Variants in RPA1 observed in about 807,000 individuals in gnomAD.
RPA1 encodes the protein replication protein A1.
Under a neutral mutation model 83.0 loss-of-function variants are expected in RPA1, and 49 were observed. That is an observed-to-expected ratio of 0.59 (90% CI 0.47 to 0.75). The LOEUF is 0.75. RPA1 is among the 30% of genes least tolerant of loss of function. The pLI is 0.00. For synonymous variants in RPA1, 279 were observed against 281.8 expected (o/e 0.99, Z 0.10); for missense variants, 693 against 776.1 (o/e 0.89, Z 1.27).
chr17:1,832,571 GA>G (rs1911661301), intron 1 of RPA1, among the ~76,000 whole-genome samples: 1 of 151,450 alleles, frequency 6.6e-6, no homozygotes, highest in African/African-American at 2.4e-5. Flanking sequence ...ATTTTTAGTA[GA>G]GATGGGGTTT....
chr17:1,848,369 T>A (rs1567805635), intron 4 of RPA1, among the ~76,000 whole-genome samples: 1 of 151,772 alleles, frequency 6.6e-6, no homozygotes, highest in African/African-American at 2.4e-5. Flanking sequence ...CCCAGCACTT[T>A]GGGAGGCTGA....
intron 16 of RPA1, 28 bp from the exon 17 acceptor site, chr17:1,897,043 C>T: frequency 1.9e-6 from 3 of 1,544,370 alleles, no homozygotes; most frequent in Non-Finnish European, 2.6e-6. Context: ...ACTTTCACTG[C>T]TCACAAACTA....
chr17:1,874,347 T>A (rs939053450), intron 6 of RPA1, among the ~76,000 whole-genome samples: 6 of 151,736 alleles, frequency 4.0e-5, no homozygotes, highest in Non-Finnish European at 8.8e-5. Flanking sequence ...TAAAAAAATC[T>A]TTTTAAGAAT....
chr17:1,896,987 TCACTGAAAC>T lies in RPA1; in HGVS notation c.1747-76_1747-68del, dbSNP rs1185194252. The T allele has an allele frequency of 3.5e-6, 4 of 1,135,126 alleles. No individual in the cohort carries two copies. The African/African-American group carries it at 6.1e-5, about 17-fold the overall frequency. 70.3% of individuals were successfully genotyped at this position (1,135,126 alleles called of 1,614,324 possible). A position where few individuals can be genotyped will look rare whatever the true frequency, so the allele number is the denominator to read the frequency against. On this transcript the variant is annotated intron_variant, in intron 16 of 16. Transcript: ENST00000254719. Reference sequence around the variant, plus strand: ...GTGCGTCTGTTCCCTCCCGCTGGGCTCACTGAAACCACTGAAGCAAAAGGGGTTTCACTG... The same window carrying T: ...GTGCGTCTGTTCCCTCCCGCTGGGCTCACTGAAGCAAAAGGGGTTTCACTG...
chr17:1,888,869 A>G lies in RPA1; in HGVS notation c.1551+18A>G. The G allele has an allele frequency of 6.2e-7, 1 of 1,608,286 alleles. No homozygotes were observed. Among genetic ancestry groups the G allele is most frequent in the Non-Finnish European group, 8.5e-7 (1 of 1,175,490 alleles). On this transcript the variant is annotated intron_variant, in intron 14 of 16. Coordinates refer to ENST00000254719, the MANE Select transcript of RPA1 (RefSeq NM_002945.5). ...TCCTGTCAGTAAGTAGCCTCGGTAGATGAGAACCACGGTTGTGTTCACGGA... is the reference window on the plus strand; with the variant it reads ...TCCTGTCAGTAAGTAGCCTCGGTAGGTGAGAACCACGGTTGTGTTCACGGA...
chr17:1,858,537 C>T (rs900819344), intron 5 of RPA1: 1 of 738,272 alleles, frequency 1.4e-6, no homozygotes, highest in Non-Finnish European at 2.3e-6. Flanking sequence ...AATCTCGGCT[C>T]ACTGCAGCCT....
At chr17:1,866,103 G>A (rs1482408525) in intron 5 of RPA1, among the ~76,000 whole-genome samples, 1 of 152,012 alleles carries the variant, frequency 6.6e-6, no homozygotes, top group Non-Finnish European at 1.5e-5. Flanking sequence ...TTAGCCAGGC[G>A]TGGTGGTGTA....
chr17:1,867,993 G>A (rs8076848), intron 5 of RPA1, among the ~76,000 whole-genome samples: 55,017 of 151,766 alleles, frequency 0.36, 12,130 homozygotes, highest in Non-Finnish European at 0.52. Flanking sequence ...CCGAGTCGGG[G>A]GATTGCTTGA....
intron 14 of RPA1, among the ~76,000 whole-genome samples, chr17:1,889,630 T>G (rs1914130301): frequency 6.6e-6 from 1 of 152,148 alleles, no homozygotes; most frequent in Admixed American, 6.5e-5. Context: ...CCTGAGCCAC[T>G]GCACCCGGCC....
chr17:1,879,484 T>G, intron 10 of RPA1, 76 bp from the exon 11 acceptor site: 1 of 1,611,944 alleles, frequency 6.2e-7, no homozygotes. Context: ...CAGGCTTCAG[T>G]GCTTGCCGTT....
At chr17:1,850,069 G>A (rs1448616637) in intron 4 of RPA1, among the ~76,000 whole-genome samples, 1 of 151,482 alleles carries the variant, frequency 6.6e-6, no homozygotes, top group Non-Finnish European at 1.5e-5. Context: ...CTACTCGGGG[G>A]ACTGAGGCAG....
chr17:1,843,800 G>A, intron 2 of RPA1, 120 bp from the exon 3 acceptor site: 1 of 694,084 alleles, frequency 1.4e-6, no homozygotes, highest in South Asian at 1.8e-5. Context: ...TAAGTGTCAA[G>A]AGAATGGGCA....
At chr17:1,849,754 ACG>A (rs1464524825) in intron 4 of RPA1, among the ~76,000 whole-genome samples, 1 of 151,230 alleles carries the variant, frequency 6.6e-6, no homozygotes, top group Non-Finnish European at 1.5e-5. Flanking sequence ...TCGTGGAAAA[ACG>A]CGCAGTTTAC....
intron 13 of RPA1, among the ~76,000 whole-genome samples, chr17:1,887,161 T>C (rs891608159): frequency 1.3e-5 from 2 of 152,148 alleles, no homozygotes; most frequent in African/African-American, 4.8e-5. Flanking sequence ...GAATACTTGA[T>C]TGGAGGATCA....
At chr17:1,856,469 C>T (rs780091363) in intron 5 of RPA1, among the ~76,000 whole-genome samples, 24 of 151,944 alleles carry the variant, frequency 1.6e-4, no homozygotes, top group Non-Finnish European at 2.2e-4. Context: ...CGTGGTGGCA[C>T]GCACCTGTAG....
At chr17:1,844,141 G>C (rs1163385949) in intron 3 of RPA1, 143 bp downstream of exon 3, 9 of 648,494 alleles carry the variant, frequency 1.4e-5, no homozygotes, top group African/African-American at 3.6e-5. Flanking sequence ...AATTGCAGCT[G>C]TCAGAGAGCA....
At chr17:1,840,779 T>C (rs1912016910) in intron 1 of RPA1, among the ~76,000 whole-genome samples, 1 of 152,154 alleles carries the variant, frequency 6.6e-6, no homozygotes, top group South Asian at 2.1e-4. Flanking sequence ...TAATTTACTT[T>C]TGAAGCCTGG....
chr17:1,898,042 T>C lies in RPA1; in HGVS notation c.*867T>C, dbSNP rs1914511721. On this transcript the variant is annotated 3_prime_UTR_variant, in exon 17 of 17. Transcript: ENST00000254719. ...AGCCTTTTGTTTCCCTTGCTTTGTTTTAATAAACAGTATATTCTTTGGTTG... is the reference window on the plus strand; with the variant it reads ...AGCCTTTTGTTTCCCTTGCTTTGTTCTAATAAACAGTATATTCTTTGGTTG... The C allele has an allele frequency of 6.6e-6, 1 of 152,246 alleles. No individual in the cohort carries two copies. The highest frequency in any genetic ancestry group is 6.5e-5 in the Admixed American group (1 of 15,290). 9.4% of individuals were successfully genotyped at this position (152,246 alleles called of 1,614,324 possible).
chr17:1,883,760 C>A, intron 12 of RPA1, 52 bp from the exon 13 acceptor site: 1 of 1,608,588 alleles, frequency 6.2e-7, no homozygotes, highest in Non-Finnish European at 8.5e-7. Flanking sequence ...TGTGGAGAAG[C>A]AGAAGCATGT....
Sources: allele counts gnomAD v4.1 joint callset (sites outside exome capture counted in the v4.1 genomes callset), GRCh38; gene constraint gnomAD v4.1.1; transcripts MANE v1.5; gene names NCBI Gene and HGNC (gene_info 2026-07-23, HGNC 2026-07-21).